ADAMTS12: variants seen among roughly 807,000 people sequenced by gnomAD.
The protein encoded by ADAMTS12 is A disintegrin and metalloproteinase with thrombospondin motifs 12.
Under a neutral mutation model 167.8 loss-of-function variants are expected in ADAMTS12, and 118 were observed. The observed-to-expected ratio is 0.70, with a 90% CI of 0.61 to 0.82. ADAMTS12 has a LOEUF of 0.82. ADAMTS12 is among the 40% of genes least tolerant of loss of function. The probability of loss-of-function intolerance (pLI) is 0.00; values close to 1 mark genes in which losing one functional copy is unlikely to be tolerated. For synonymous variants in ADAMTS12, 704 were observed against 716.9 expected, an observed-to-expected ratio of 0.98 and a Z score of 0.29; for missense variants, 1,916 against 1,998.8, an observed-to-expected ratio of 0.96 and a Z score of 0.79.
chr5:33,840,180 T>G (rs1277583696), intron 2 of ADAMTS12: 1 of 152,220 alleles, frequency 6.6e-6, no homozygotes, highest in Non-Finnish European at 1.5e-5. Flanking sequence ...AGCAGGGTGA[T>G]CTCTGGCCAG....
chr5:33,883,338 T>TGG (rs1561327455), intron 1 of ADAMTS12, among the ~76,000 whole-genome samples: 3 of 147,472 alleles, frequency 2.0e-5, no homozygotes, highest in African/African-American at 2.6e-5. Flanking sequence ...TTTTTTTTTT[T>TGG]TTTGTTTTTT....
At chr5:33,592,966 ATTAT>A (rs917173661) in intron 17 of ADAMTS12, among the ~76,000 whole-genome samples, 10 of 152,318 alleles carry the variant, frequency 6.6e-5, no homozygotes, top group South Asian at 2.1e-4. Flanking sequence ...ATATTAGTTT[ATTAT>A]TTATTTATTT....
At chr5:33,840,891 T>C (rs2111595216) in intron 2 of ADAMTS12, among the ~76,000 whole-genome samples, 1 of 152,320 alleles carries the variant, frequency 6.6e-6, no homozygotes, top group Admixed American at 6.5e-5. Context: ...AGCCTCAGTT[T>C]AGTGCAGTGC....
chr5:33,735,554 C>T (rs911431111), intron 3 of ADAMTS12, among the ~76,000 whole-genome samples: 2 of 152,196 alleles, frequency 1.3e-5, no homozygotes, highest in Non-Finnish European at 2.9e-5. Context: ...ACAGATGGCA[C>T]GCTGAATTTG....
intron 3 of ADAMTS12, among the ~76,000 whole-genome samples, chr5:33,715,024 T>C (rs955534059): frequency 2.6e-5 from 4 of 152,240 alleles, no homozygotes; most frequent in African/African-American, 9.6e-5. Flanking sequence ...ATTTGATCAT[T>C]GTACATTGTA....
intron 2 of ADAMTS12, among the ~76,000 whole-genome samples, chr5:33,873,432 A>C (rs966341105): frequency 2.6e-5 from 4 of 152,198 alleles, no homozygotes; most frequent in African/African-American, 9.6e-5. Context: ...TAAATATATG[A>C]AGAGATATTC....
chr5:33,801,196 T>C (rs981115657), intron 2 of ADAMTS12, among the ~76,000 whole-genome samples: 1 of 152,226 alleles, frequency 6.6e-6, no homozygotes, highest in Non-Finnish European at 1.5e-5. Flanking sequence ...TTTGGACTTC[T>C]GGCCTCTAGA....
chr5:33,578,299 AG>A (rs1396653411), intron 18 of ADAMTS12, among the ~76,000 whole-genome samples: 3 of 152,212 alleles, frequency 2.0e-5, no homozygotes, highest in Non-Finnish European at 4.4e-5. Context: ...GAGATGTACA[AG>A]GCAGGAACTG....
At chr5:33,694,199 G>A (rs1168735877) in intron 3 of ADAMTS12, among the ~76,000 whole-genome samples, 1 of 152,126 alleles carries the variant, frequency 6.6e-6, no homozygotes, top group African/African-American at 2.4e-5. Context: ...TGGATAGGAA[G>A]AATCAATATT....
At chr5:33,816,772 G>T (rs1747670109) in intron 2 of ADAMTS12, among the ~76,000 whole-genome samples, 1 of 152,182 alleles carries the variant, frequency 6.6e-6, no homozygotes, top group Non-Finnish European at 1.5e-5. Context: ...CTGAGGATGA[G>T]AAGCTGAAGA....
At chr5:33,750,235 T>C (rs1421691542) in intron 3 of ADAMTS12, among the ~76,000 whole-genome samples, 1 of 152,240 alleles carries the variant, frequency 6.6e-6, no homozygotes, top group Non-Finnish European at 1.5e-5. Flanking sequence ...TTATCTAATT[T>C]AGAATAAAGC....
At position 33,876,226 on chromosome 5, in the gene ADAMTS12, A is replaced by T. The variant is rs1582561; in HGVS notation, c.489+4893T>A. On this transcript the variant is annotated intron_variant, in intron 2 of 23. Transcript: ENST00000504830. Reference sequence around the variant, plus strand: ...ATAGCAAAGATGTCAATTCTTCCCAAACTAATATATAGATGTAATACAATT... The same window carrying T: ...ATAGCAAAGATGTCAATTCTTCCCATACTAATATATAGATGTAATACAATT... 5.9e-5 allele frequency among the ~76,000 whole-genome samples: 9 copies of T among 151,954 alleles called. No homozygotes were observed. In the East Asian group the frequency reaches 1.7e-3, roughly 29 times the overall value.
chr5:33,709,399 C>T (rs1397507239), intron 3 of ADAMTS12, among the ~76,000 whole-genome samples: 3 of 152,202 alleles, frequency 2.0e-5, no homozygotes, highest in African/African-American at 7.2e-5. Context: ...AAGATACATG[C>T]ACACATATGT....
intron 5 of ADAMTS12, among the ~76,000 whole-genome samples, chr5:33,678,070 G>T (rs1355244128): frequency 6.6e-6 from 1 of 152,140 alleles, no homozygotes. Flanking sequence ...AAGAGTGATA[G>T]AAAGTCACTG....
chr5:33,815,018 A>T (rs911695586), intron 2 of ADAMTS12, among the ~76,000 whole-genome samples: 1 of 152,182 alleles, frequency 6.6e-6, no homozygotes, highest in African/African-American at 2.4e-5. Context: ...AGAGTTGCCA[A>T]CTCAGGTGCT....
chr5:33,874,915 A>G (rs1159141328), intron 2 of ADAMTS12, among the ~76,000 whole-genome samples: 2 of 152,100 alleles, frequency 1.3e-5, no homozygotes, highest in African/African-American at 4.8e-5. Flanking sequence ...TAAAAATACA[A>G]AAATTAGCTG....
chr5:33,724,784 C>T (rs990371022), intron 3 of ADAMTS12, among the ~76,000 whole-genome samples: 5 of 152,102 alleles, frequency 3.3e-5, no homozygotes, highest in African/African-American at 9.7e-5. Flanking sequence ...ATCTCCTGAC[C>T]TTGTGATCCA....
At chr5:33,603,248 G>A (rs1468292049) in intron 16 of ADAMTS12, among the ~76,000 whole-genome samples, 1 of 152,140 alleles carries the variant, frequency 6.6e-6, no homozygotes, top group Non-Finnish European at 1.5e-5. Flanking sequence ...GCAAAAAGGT[G>A]GCTTTTGCAT....
intron 3 of ADAMTS12, among the ~76,000 whole-genome samples, chr5:33,690,324 T>C (rs1742506307): frequency 3.9e-5 from 6 of 152,308 alleles, no homozygotes; most frequent in Admixed American, 3.3e-4. Context: ...TTCTCAAAAC[T>C]GGCCATTGTT....
Sources: allele counts gnomAD v4.1 joint callset (sites outside exome capture counted in the v4.1 genomes callset), GRCh38; gene constraint gnomAD v4.1.1; transcripts MANE v1.5; gene names NCBI Gene and HGNC (gene_info 2026-07-23, HGNC 2026-07-21).